The following RFX3 variants were observed in gnomAD, a reference collection of about 807,000 sequenced individuals.
RFX3 encodes regulatory factor X3, also known as transcription factor RFX3.
A neutral mutation model predicts 98.6 loss-of-function variants in RFX3; 14 were observed. The ratio of observed to expected loss-of-function variants is 0.14; its 90% CI spans 0.09 to 0.22. The LOEUF is 0.22. Ranked by LOEUF, RFX3 falls within the 10% of genes least tolerant of loss-of-function variation. The probability of loss-of-function intolerance (pLI) is 1.00; values close to 1 mark genes in which losing one functional copy is unlikely to be tolerated. For synonymous variants in RFX3, 383 were observed against 328.4 expected (o/e 1.17, Z -1.80); for missense variants, 639 against 926.9 (o/e 0.69, Z 4.03).
chr9:3,497,106 C>G (rs1382752332), intron 1 of RFX3, among the ~76,000 whole-genome samples: 1 of 151,976 alleles, frequency 6.6e-6, no homozygotes, highest in African/African-American at 2.4e-5. Flanking sequence ...ACAGGCTGAT[C>G]TACAGTGTTT....
At position 3,291,916 on chromosome 9, in the gene RFX3, A is replaced by G. The variant is rs573298196; in HGVS notation, c.731+1161T>C. 2.8e-4 allele frequency among the ~76,000 whole-genome samples: 43 copies of G among 151,740 alleles called. No individual in the cohort carries two copies. In the South Asian group the frequency reaches 9.0e-3, roughly 32 times the overall value. ...TACTAAAAATACAATAATTAGCTGG[A>G]CGTGGTGGCACACACCTGTAGTCTC... On this transcript the variant is annotated intron_variant, in intron 6 of 16. Coordinates refer to ENST00000617270, the MANE Select transcript of RFX3 (RefSeq NM_001282116.2).
chr9:3,248,012 G>C lies in RFX3; in HGVS notation c.1968+20C>G. On this transcript the variant is annotated intron_variant, in intron 15 of 16. Transcript: ENST00000617270. ...ATTTTTAATAACCCAGTGGGTCACA[G>C]CTCTTTCAGCCTCTCTTACCTCGCC... 6.2e-7 allele frequency: 1 copy of C among 1,614,056 alleles called. No individual in the cohort carries two copies. The highest frequency in any genetic ancestry group is 8.5e-7 in the Non-Finnish European group (1 of 1,179,952).
At position 3,244,013 on chromosome 9, in the gene RFX3, T is replaced by A. The variant is rs113513379; in HGVS notation, c.1968+4019A>T. Among the ~76,000 whole-genome samples the A allele has an allele frequency of 9.3e-4, 141 of 151,512 alleles. 1 individual carries two copies. Among genetic ancestry groups the A allele is most frequent in the African/African-American group, 3.2e-3 (134 of 41,372 alleles). The stretch of plus-strand genomic sequence containing the variant: ...CTTTTTTTCTATTTTTATTATTTTT[T>A]TTTTTTGAGATGGAGTCCCGCTTTG... On this transcript the variant is annotated intron_variant, in intron 15 of 16. Transcript: ENST00000617270.
chr9:3,359,930 G>C (rs1425521363), intron 2 of RFX3, among the ~76,000 whole-genome samples: 1 of 151,908 alleles, frequency 6.6e-6, no homozygotes, highest in East Asian at 1.9e-4. Context: ...ATTAATTTTT[G>C]TTCAAATATT....
chr9:3,377,230 G>C (rs1016858046), intron 2 of RFX3, among the ~76,000 whole-genome samples: 3 of 152,208 alleles, frequency 2.0e-5, no homozygotes, highest in African/African-American at 7.2e-5. Context: ...TTAAGAAAAT[G>C]TGGCACATAT....
At chr9:3,291,406 A>G (rs1827332276) in intron 6 of RFX3, among the ~76,000 whole-genome samples, 1 of 114,230 alleles carries the variant, frequency 8.8e-6, no homozygotes, top group Non-Finnish European at 1.9e-5. Context: ...AAAACAAAAC[A>G]AAACAAAACA....
At position 3,295,728 on chromosome 9, in the gene RFX3, G is replaced by C. The variant is rs561310281; in HGVS notation, c.550-2470C>G. On this transcript the variant is annotated intron_variant, in intron 5 of 16. Transcript: ENST00000617270. ...AAGGTATAATAGCATGATTTGTTCTGAGTAAAGAACTCAATATTGCTTCCT... is the reference window on the plus strand; with the variant it reads ...AAGGTATAATAGCATGATTTGTTCTCAGTAAAGAACTCAATATTGCTTCCT... Among the ~76,000 whole-genome samples the C allele has an allele frequency of 4.6e-5, 7 of 152,084 alleles. No individual in the cohort carries two copies. In the South Asian group the frequency reaches 1.5e-3, roughly 32 times the overall value.
Position 3,419,780 on chromosome 9 carries a change from A to G in RFX3, c.-8-24184T>C, listed in dbSNP as rs926355514. Among the ~76,000 whole-genome samples, 6 of 152,272 alleles carry G rather than the reference A, an allele frequency of 3.9e-5. No individual in the cohort carries two copies. The South Asian group carries it at 1.0e-3, about 26-fold the overall frequency. ...GTATTTTTCATTTTTTATTAATTATATTTGTACATATGCATGGGGTACATA... is the reference window on the plus strand; with the variant it reads ...GTATTTTTCATTTTTTATTAATTATGTTTGTACATATGCATGGGGTACATA... On this transcript the variant is annotated intron_variant, in intron 1 of 16. Coordinates refer to ENST00000617270, the MANE Select transcript of RFX3 (RefSeq NM_001282116.2).
At position 3,263,046 on chromosome 9, in the gene RFX3, T is replaced by C; in HGVS notation, c.1494A>G (p.Arg498=). ...AVSAFAQTLR[R]YTSLNHLAQA... Reference sequence around the variant, plus strand: ...GGGCCAGGTGATTAAGCGACGTGTATCTTCGCAGAGTCTGGGCAAAGGCAC... The same window carrying C: ...GGGCCAGGTGATTAAGCGACGTGTACCTTCGCAGAGTCTGGGCAAAGGCAC... Residue 498 remains arginine (R), a synonymous_variant, in exon 13 of 17, where the codon AGA becomes AGG. Coordinates refer to ENST00000617270, the MANE Select transcript of RFX3 (RefSeq NM_001282116.2). 1 of 1,613,828 alleles carries C rather than the reference T, an allele frequency of 6.2e-7. No individual in the cohort carries two copies. The highest frequency in any genetic ancestry group is 1.1e-5 in the South Asian group (1 of 91,072).
intron 2 of RFX3, among the ~76,000 whole-genome samples, chr9:3,370,203 T>A (rs993721724): frequency 4.0e-5 from 6 of 150,164 alleles, no homozygotes; most frequent in South Asian, 2.1e-4. Flanking sequence ...AAAAAAAAAA[T>A]TAAATGATCC....
chr9:3,386,709 G>A (rs928005433), intron 2 of RFX3, among the ~76,000 whole-genome samples: 1 of 152,126 alleles, frequency 6.6e-6, no homozygotes, highest in Non-Finnish European at 1.5e-5. Flanking sequence ...AATAATGTTG[G>A]ATTTAGCTTG....
intron 1 of RFX3, among the ~76,000 whole-genome samples, chr9:3,501,132 T>A (rs535186501): frequency 2.0e-5 from 3 of 152,320 alleles, no homozygotes; most frequent in East Asian, 1.9e-4. Flanking sequence ...TATTCCACCA[T>A]GCAATTAGCC....
At chr9:3,474,865 G>A (rs1437710798) in intron 1 of RFX3, among the ~76,000 whole-genome samples, 1 of 152,186 alleles carries the variant, frequency 6.6e-6, no homozygotes, top group Non-Finnish European at 1.5e-5. Context: ...GGGAGGCCAA[G>A]GAAGGAGAAT....
At chr9:3,303,240 A>C (rs1037710719) in intron 4 of RFX3, among the ~76,000 whole-genome samples, 2 of 152,046 alleles carry the variant, frequency 1.3e-5, no homozygotes, top group South Asian at 4.1e-4. Flanking sequence ...AATGTAATGA[A>C]TGAACAAACA....
intron 1 of RFX3, among the ~76,000 whole-genome samples, chr9:3,451,261 T>A (rs1461033831): frequency 6.6e-6 from 1 of 152,180 alleles, no homozygotes; most frequent in African/African-American, 2.4e-5. Flanking sequence ...TGTAAATGAC[T>A]GAGGCTGGGC....
At chr9:3,522,546 AGT>A (rs977900887) in intron 1 of RFX3, among the ~76,000 whole-genome samples, 10 of 142,266 alleles carry the variant, frequency 7.0e-5, no homozygotes, top group African/African-American at 1.7e-4. Flanking sequence ...GTTCTGGAAA[AGT>A]GTGTGTGCGT....
intron 2 of RFX3, among the ~76,000 whole-genome samples, chr9:3,385,621 T>G (rs1249632655): frequency 6.8e-6 from 1 of 146,446 alleles, no homozygotes; most frequent in African/African-American, 2.6e-5. Flanking sequence ...GGCAGGAGAA[T>G]CACTTGAACC....
At chr9:3,367,163 T>C (rs1288806616) in intron 2 of RFX3, among the ~76,000 whole-genome samples, 3 of 152,132 alleles carry the variant, frequency 2.0e-5, no homozygotes, top group Non-Finnish European at 4.4e-5. Flanking sequence ...TAAAATTGAG[T>C]AGGCCTGCTC....
intron 1 of RFX3, among the ~76,000 whole-genome samples, chr9:3,416,312 G>A (rs1842975916): frequency 6.6e-6 from 1 of 152,124 alleles, no homozygotes; most frequent in African/African-American, 2.4e-5. Context: ...TAAATAACTT[G>A]TCCAAGATCA....
Sources: gnomAD v4.1 joint callset for allele counts (sites outside exome capture counted in the v4.1 genomes callset) on GRCh38, gnomAD v4.1.1 for gene constraint, MANE v1.5 for transcripts, NCBI Gene and HGNC (gene_info 2026-07-23, HGNC 2026-07-21) for gene names.